POC5: variants seen among roughly 807,000 people sequenced by gnomAD.
POC5 encodes POC5 centriolar protein.
A neutral mutation model predicts 62.9 loss-of-function variants in POC5; 48 were observed. The ratio of observed to expected loss-of-function variants is 0.76; its 90% CI spans 0.61 to 0.97. The LOEUF is 0.97. Among genes scored for constraint, POC5 ranks in the 50% least tolerant of loss-of-function variants. The pLI is 0.00. For missense variants in POC5, 696 were observed against 679.5 expected (o/e 1.02, Z -0.27); for synonymous variants, 236 against 228.2 (o/e 1.03, Z -0.31).
At chr5:75,712,713 A>G (rs1777400301) in intron 2 of POC5, 141 bp downstream of exon 2, 1 of 752,848 alleles carries the variant, frequency 1.3e-6, no homozygotes, top group Non-Finnish European at 2.2e-6. Context: ...GTGTACAGTA[A>G]TTCCTGAAGT....
chr5:75,715,449 T>C (rs1370756423), intron 1 of POC5, among the ~76,000 whole-genome samples: 1 of 152,012 alleles, frequency 6.6e-6, no homozygotes, highest in Non-Finnish European at 1.5e-5. Flanking sequence ...CAGGCACATC[T>C]TAGATGGCGG....
chr5:75,680,421 A>G (rs375601993), intron 10 of POC5, among the ~76,000 whole-genome samples: 30 of 152,170 alleles, frequency 2.0e-4, no homozygotes, highest in Admixed American at 7.9e-4. Context: ...AATGCCTTCA[A>G]TAATTTGAAA....
intron 6 of POC5, among the ~76,000 whole-genome samples, chr5:75,693,541 A>G (rs1437775916): frequency 5.9e-5 from 9 of 152,306 alleles, no homozygotes; most frequent in African/African-American, 1.9e-4. Context: ...GTGATACTTC[A>G]AAATAAAAAA....
intron 5 of POC5, among the ~76,000 whole-genome samples, chr5:75,697,276 G>C (rs1348196537): frequency 6.6e-6 from 1 of 152,104 alleles, no homozygotes; most frequent in Non-Finnish European, 1.5e-5. Flanking sequence ...AAGTTGAAAT[G>C]AAGGAAAAAA....
intron 3 of POC5, chr5:75,707,501 C>A (rs1022418303): frequency 2.7e-5 from 10 of 373,440 alleles, no homozygotes; most frequent in Non-Finnish European, 4.4e-5. Flanking sequence ...ATTGCTTCAA[C>A]TTTATTATTC....
Position 75,712,634 on chromosome 5 carries a change from T to C in POC5, c.84+220A>G, listed in dbSNP as rs185123682. On this transcript the variant is annotated intron_variant, in intron 2 of 11. Transcript: ENST00000428202. ...CTTACTGTGTTGGTTGAAGCCTTTG[T>C]ACAGAGTGTATGAAGAGTTCATCAA... The C allele has an allele frequency of 3.7e-3, 2,751 of 738,330 alleles. 6 individuals are homozygous for C. The highest frequency in any genetic ancestry group is 8.8e-3 in the Middle Eastern group (38 of 4,314). 45.7% of individuals were successfully genotyped at this position (738,330 alleles called of 1,614,324 possible).
At position 75,705,701 on chromosome 5, in the gene POC5, T is replaced by C. The variant is rs374688049; in HGVS notation, c.307+3A>G. 187 of 1,507,196 alleles carry C rather than the reference T, an allele frequency of 1.2e-4. No homozygotes were observed. The highest frequency in any genetic ancestry group is 1.6e-4 in the Non-Finnish European group (183 of 1,124,262). The allele number at this position is 1,507,196 out of a possible 1,614,324, so 93.4% of individuals were successfully genotyped here. On this transcript the variant is annotated splice_donor_region_variant and intron_variant, in intron 4 of 11. Coordinates refer to ENST00000428202, the MANE Select transcript of POC5 (RefSeq NM_001099271.2). ...ATACAAATAAGCTAAAGAAAAATCA[T>C]ACCATCTGTCTTTGAATGACTTGAA...
chr5:75,696,004 G>C (rs1241413633), intron 5 of POC5: 2 of 152,908 alleles, frequency 1.3e-5, no homozygotes, highest in East Asian at 1.9e-4. Flanking sequence ...GCTTTTCCGA[G>C]GGGCTTAAAA....
chr5:75,715,155 A>G (rs1347815981), intron 1 of POC5, among the ~76,000 whole-genome samples: 1 of 151,994 alleles, frequency 6.6e-6, no homozygotes, highest in Non-Finnish European at 1.5e-5. Context: ...CACTAAATAC[A>G]AAAAATTAGC....
At chr5:75,693,143 TTAA>T (rs1169491058) in intron 6 of POC5, among the ~76,000 whole-genome samples, 1 of 147,266 alleles carries the variant, frequency 6.8e-6, no homozygotes, top group South Asian at 2.1e-4. Context: ...ATATATATAA[TTAA>T]TGTTATACAT....
chr5:75,704,486 G>C (rs1777041270), intron 4 of POC5, among the ~76,000 whole-genome samples: 1 of 152,140 alleles, frequency 6.6e-6, no homozygotes, highest in Admixed American at 6.5e-5. Flanking sequence ...CACAAGGTCT[G>C]GGCTAGTCAT....
chr5:75,693,625 C>CA (rs5868784), intron 6 of POC5, among the ~76,000 whole-genome samples: 37,180 of 151,796 alleles, frequency 0.24, 4,763 homozygotes, highest in South Asian at 0.32. Context: ...TCCATTGTTT[C>CA]AAAAAAAATT....
chr5:75,694,860 T>C, intron 5 of POC5, 29 bp from the exon 6 acceptor site: 6 of 1,427,372 alleles, frequency 4.2e-6, no homozygotes, highest in Non-Finnish European at 2.9e-6. Context: ...GACAATTAAG[T>C]AGTTTGTTCG....
At chr5:75,712,553 A>C in intron 2 of POC5, 1 of 1,139,774 alleles carries the variant, frequency 8.8e-7, no homozygotes, top group South Asian at 1.4e-5. Flanking sequence ...CATGAGAGGT[A>C]GCTAAAATGA....
intron 9 of POC5, among the ~76,000 whole-genome samples, chr5:75,688,244 T>C (rs1776177660): frequency 6.6e-6 from 1 of 152,244 alleles, no homozygotes; most frequent in Non-Finnish European, 1.5e-5. Flanking sequence ...ATCATGACTA[T>C]CATCTTACAC....
chr5:75,689,217 A>T, intron 8 of POC5, 52 bp from the exon 9 acceptor site: 1 of 1,465,258 alleles, frequency 6.8e-7, no homozygotes, highest in East Asian at 2.5e-5. Context: ...AAAGAAGAAT[A>T]CTGTCAAAAA....
At chr5:75,706,015 A>G (rs1777103120) in intron 3 of POC5, among the ~76,000 whole-genome samples, 1 of 152,246 alleles carries the variant, frequency 6.6e-6, no homozygotes, top group African/African-American at 2.4e-5. Flanking sequence ...CCAAATATAG[A>G]TGAGAGATAA....
In POC5 at chr5:75,685,212, C is replaced by T. The variant is rs969186263; in HGVS notation, c.1402G>A (p.Glu468Lys). The T allele has an allele frequency of 1.2e-6, 2 of 1,608,844 alleles. No individual in the cohort carries two copies. Among genetic ancestry groups the T allele is most frequent in the African/African-American group, 2.7e-5 (2 of 74,862 alleles). ...CCTGTATAAACTGTACTAACCATTT[C>T]TTCTGATGCAGCAGTAGCTGCAGAT... is the stretch of plus-strand genomic sequence containing the variant. ...AGSAATAASEEMYVPRVVTSA... is the reference protein window; with the variant it reads ...AGSAATAASEKMYVPRVVTSA... Residue 468 changes from glutamate to lysine, a missense_variant, in exon 10 of 12, where the codon GAA (glutamate) becomes AAA (lysine). Glu to Lys is a moderately conservative substitution (Grantham distance 56, BLOSUM62 1). Transcript: ENST00000428202.
At chr5:75,688,590 T>C (rs535408414) in intron 9 of POC5, among the ~76,000 whole-genome samples, 2 of 152,268 alleles carry the variant, frequency 1.3e-5, no homozygotes, top group South Asian at 4.2e-4. Flanking sequence ...AACAGGAAGA[T>C]TAGGAATTTC....
Sources: allele counts gnomAD v4.1 joint callset (sites outside exome capture counted in the v4.1 genomes callset), GRCh38; gene constraint gnomAD v4.1.1; transcripts MANE v1.5; gene names NCBI Gene and HGNC (gene_info 2026-07-23, HGNC 2026-07-21).